The following NCOA2 variants were observed in gnomAD, a reference collection of about 807,000 sequenced individuals.
The protein encoded by NCOA2 is class E basic helix-loop-helix protein 75.
NCOA2 carries 21 observed loss-of-function variants against 145.1 expected under a neutral mutation model. The ratio of observed to expected loss-of-function variants is 0.14; its 90% CI spans 0.10 to 0.21. The LOEUF (loss-of-function observed/expected upper bound fraction) is 0.21. Among genes scored for constraint, NCOA2 ranks in the 10% least tolerant of loss-of-function variants. The pLI is 1.00. For missense variants in NCOA2, 1,472 were observed against 1,837.6 expected, an observed-to-expected ratio of 0.80 and a Z score of 3.64; for synonymous variants, 619 against 637.5, an observed-to-expected ratio of 0.97 and a Z score of 0.44.
chr8:70,206,013 C>A (rs1818397419), intron 4 of NCOA2, among the ~76,000 whole-genome samples: 1 of 152,188 alleles, frequency 6.6e-6, no homozygotes, highest in Admixed American at 6.5e-5. Context: ...CTGACAAGTA[C>A]AAGAGAGGGC....
rs1330218890 is a variant in NCOA2 at position 70,156,205 on chromosome 8, G to A, written c.2160C>T (p.Ser720=). Residue 720 remains serine, a synonymous_variant, in exon 11 of 23, where the codon AGC becomes AGT. Transcript: ENST00000452400. ...TCACTTCTGATCCAGGAGCTGTGCT[G>A]CTGGACTCCTGGCTCAGGTCTTTGC... The part of the protein sequence containing the change: ...ATGKDLSQES[S]STAPGSEVTI... 6.2e-7 allele frequency: 1 copy of A among 1,613,830 alleles called. No homozygotes were observed. Among genetic ancestry groups the A allele is most frequent in the Non-Finnish European group, 8.5e-7 (1 of 1,179,868 alleles).
At chr8:70,403,604 G>C (rs1312997239) in intron 1 of NCOA2, 96 bp downstream of exon 1, 2 of 324,970 alleles carry the variant, frequency 6.2e-6, no homozygotes, top group Non-Finnish European at 1.1e-5. Flanking sequence ...GCTCGGCGCA[G>C]GAAGGGCAGT....
chr8:70,124,659 G>A (rs758878152), intron 20 of NCOA2, 29 bp downstream of exon 20: 5 of 1,564,156 alleles, frequency 3.2e-6, no homozygotes, highest in South Asian at 1.2e-5. Flanking sequence ...CACAGTGGCG[G>A]TATGAAAAGG....
intron 2 of NCOA2, among the ~76,000 whole-genome samples, chr8:70,288,822 T>C (rs373572734): frequency 6.6e-6 from 1 of 152,184 alleles, no homozygotes. Flanking sequence ...CAAGTGCAAA[T>C]AGTTTATGTG....
chr8:70,439,585 A>C, the NCOA2 span, among the ~76,000 whole-genome samples: 1 of 152,258 alleles, frequency 6.6e-6, no homozygotes, highest in African/African-American at 2.4e-5. Context: ...TGCCTTAAGA[A>C]GTGTACTGTC....
At chr8:70,376,474 GTT>G (rs1811678418) in intron 1 of NCOA2, among the ~76,000 whole-genome samples, 1 of 151,940 alleles carries the variant, frequency 6.6e-6, no homozygotes, top group Admixed American at 6.6e-5. Flanking sequence ...CTCTAGTTTT[GTT>G]TTGTTTTTAA....
rs1412160955 is a variant in NCOA2, at chr8:70,156,358, T to C, written c.2007A>G (p.Thr669=). ...SSLSDTNKDS[T]GSLPGSGSTH... is the part of the protein sequence containing the mutation. ...TAGACCCAGAACCAGGCAAGCTACC[T>C]GTGGAGTCTTTGTTTGTATCCGACA... Residue 669 remains threonine (T), a synonymous_variant, in exon 11 of 23, where the codon ACA becomes ACG. Transcript: ENST00000452400. 1 of 1,613,826 alleles carries C rather than the reference T, an allele frequency of 6.2e-7. No homozygotes were observed. The highest frequency in any genetic ancestry group is 8.5e-7 in the Non-Finnish European group (1 of 1,179,884).
At chr8:70,300,783 T>C (rs1338950533) in intron 1 of NCOA2, among the ~76,000 whole-genome samples, 1 of 152,234 alleles carries the variant, frequency 6.6e-6, no homozygotes, top group Non-Finnish European at 1.5e-5. Flanking sequence ...ATAAGAGATG[T>C]GCCATACTTT....
At chr8:70,265,595 T>TA (rs1484408779) in intron 2 of NCOA2, among the ~76,000 whole-genome samples, 4 of 152,120 alleles carry the variant, frequency 2.6e-5, no homozygotes, top group African/African-American at 4.8e-5. Context: ...ATTCTATTTT[T>TA]TAAAAAAATA....
chr8:70,386,666 C>T (rs1475521588), intron 1 of NCOA2, among the ~76,000 whole-genome samples: 1 of 152,036 alleles, frequency 6.6e-6, no homozygotes, highest in Admixed American at 6.5e-5. Flanking sequence ...TAACTAATGC[C>T]GTTCAATCTT....
At chr8:70,354,525 A>G (rs1283821560) in intron 1 of NCOA2, among the ~76,000 whole-genome samples, 4 of 152,202 alleles carry the variant, frequency 2.6e-5, no homozygotes, top group African/African-American at 7.2e-5. Flanking sequence ...TTAACACAGA[A>G]TAACTATTCT....
At chr8:70,259,623 T>G (rs2977980) in intron 2 of NCOA2, among the ~76,000 whole-genome samples, 110,810 of 152,086 alleles carry the variant, frequency 0.73, 42,259 homozygotes, top group Non-Finnish European at 0.84. Flanking sequence ...GAAATATATA[T>G]AGAGCAATTA....
chr8:70,180,947 T>C (rs1189940656), intron 4 of NCOA2, among the ~76,000 whole-genome samples: 1 of 152,230 alleles, frequency 6.6e-6, no homozygotes, highest in Non-Finnish European at 1.5e-5. Context: ...AGCAAAAAAT[T>C]TATTTTTAAA....
At chr8:70,126,751 AACACTGGGGG>A in intron 19 of NCOA2, 52 bp downstream of exon 19, 1 of 1,400,116 alleles carries the variant, frequency 7.1e-7, no homozygotes, top group Non-Finnish European at 1.0e-6. Flanking sequence ...GCTGTGACCC[AACACTGGGGG>A]ACACTGGGGA....
chr8:70,256,626 C>T (rs1823654090), intron 2 of NCOA2, among the ~76,000 whole-genome samples: 1 of 152,192 alleles, frequency 6.6e-6, no homozygotes, highest in Admixed American at 6.5e-5. Flanking sequence ...ACTTTTAGTG[C>T]TTACCATATG....
chr8:70,391,769 T>C (rs935465803), intron 1 of NCOA2, among the ~76,000 whole-genome samples: 1 of 152,170 alleles, frequency 6.6e-6, no homozygotes, highest in Non-Finnish European at 1.5e-5. Context: ...CAAAATGCAA[T>C]GAGTAAACTT....
At chr8:70,335,398 C>T (rs1429216913) in intron 1 of NCOA2, among the ~76,000 whole-genome samples, 2 of 152,152 alleles carry the variant, frequency 1.3e-5, no homozygotes, top group Non-Finnish European at 2.9e-5. Context: ...ACTACAACAG[C>T]TAAACAGATT....
At chr8:70,191,218 G>A (rs2133249934) in intron 4 of NCOA2, among the ~76,000 whole-genome samples, 1 of 152,310 alleles carries the variant, frequency 6.6e-6, no homozygotes. Flanking sequence ...CTATAGGCAA[G>A]GAATGGGCAG....
At chr8:70,127,105 C>T (rs1808500328) in intron 18 of NCOA2, 58 bp from the exon 19 acceptor site, 1 of 1,254,730 alleles carries the variant, frequency 8.0e-7, no homozygotes, top group Non-Finnish European at 1.1e-6. Context: ...GATTAAAAAA[C>T]AAAGTGAGTA....
Sources: allele counts gnomAD v4.1 joint callset (sites outside exome capture counted in the v4.1 genomes callset), GRCh38; gene constraint gnomAD v4.1.1; transcripts MANE v1.5; gene names NCBI Gene and HGNC (gene_info 2026-07-23, HGNC 2026-07-21).